The following ST3GAL4 variants were observed in gnomAD, a reference collection of about 807,000 sequenced individuals.
ST3GAL4 encodes CMP-N-acetylneuraminate-beta-galactosamide-alpha-2,3-sialyltransferase 4.
A neutral mutation model predicts 42.6 loss-of-function variants in ST3GAL4; 24 were observed. The ratio of observed to expected loss-of-function variants is 0.56; its 90% CI spans 0.41 to 0.79. The LOEUF (loss-of-function observed/expected upper bound fraction) is 0.79. ST3GAL4 is among the 30% of genes least tolerant of loss of function. The probability of loss-of-function intolerance (pLI) is 0.00; values close to 1 mark genes in which losing one functional copy is unlikely to be tolerated. For missense variants in ST3GAL4, 311 were observed against 430.8 expected, an observed-to-expected ratio of 0.72 and a Z score of 2.46; for synonymous variants, 135 against 163.2, an observed-to-expected ratio of 0.83 and a Z score of 1.32.
rs1239186575 is a variant in ST3GAL4 at position 126,388,679 on chromosome 11, T to TTTTTTTTTTTTTTTTTTTC, written c.-60-17415_-60-17414insTTTTTTTTTTTTTTTTCTT. Among the ~76,000 whole-genome samples, 202 of 122,704 alleles carry TTTTTTTTTTTTTTTTTTTC rather than the reference T, an allele frequency of 1.6e-3. 12 individuals are homozygous for TTTTTTTTTTTTTTTTTTTC. The highest frequency in any genetic ancestry group is 6.0e-3 in the African/African-American group (173 of 29,054). The allele number at this position is 122,704 out of a possible 152,430, so 80.5% of individuals were successfully genotyped here. ...TTTCTTGTTTTTTTTTTTTTTTTTT[T>TTTTTTTTTTTTTTTTTTTC]TTCTGATTTACGTGAGCACATCATA... On this transcript the variant is annotated intron_variant, in intron 1 of 10. Coordinates refer to ENST00000444328, the MANE Select transcript of ST3GAL4 (RefSeq NM_001254757.2).
chr11:126,413,965 C>T lies in ST3GAL4; in HGVS notation c.920C>T (p.Ser307Leu). The change falls in exon 11 of 11, where the codon TCA becomes TTA. Residue 307 changes from serine to leucine, a missense_variant. Ser to Leu is a moderately radical substitution (Grantham distance 145). Coordinates refer to ENST00000444328, the MANE Select transcript of ST3GAL4 (RefSeq NM_001254757.2). ...TTTCCTTGGCTGTCTCCACAGGGGT[C>T]AGGCCATAATGTCTCCCAAGAGGCC... ...EQITLKSMAG[S>L]GHNVSQEALA... is the part of the protein sequence containing the mutation. The T allele has an allele frequency of 6.2e-7, 1 of 1,614,218 alleles. No individual in the cohort carries two copies.
At position 126,388,679 on chromosome 11, in the gene ST3GAL4, T is replaced by TTTTTTTTTTTTTTTTTTTTTC. The variant is rs1239186575; in HGVS notation, c.-60-17415_-60-17414insTTTTTTTTTTTTTTTTTTCTT. On this transcript the variant is annotated intron_variant, in intron 1 of 10. Transcript: ENST00000444328. ...TTTCTTGTTTTTTTTTTTTTTTTTT[T>TTTTTTTTTTTTTTTTTTTTTC]TTCTGATTTACGTGAGCACATCATA... 3.7e-4 allele frequency among the ~76,000 whole-genome samples: 45 copies of TTTTTTTTTTTTTTTTTTTTTC among 122,702 alleles called. 1 individual carries two copies. The highest frequency in any genetic ancestry group is 4.7e-3 in the Middle Eastern group (1 of 214). The allele number at this position is 122,702 out of a possible 152,430, so 80.5% of individuals were successfully genotyped here. A position where few individuals can be genotyped will look rare whatever the true frequency, so the allele number is the denominator to read the frequency against.
In ST3GAL4 at chr11:126,395,929, C is replaced by G. The variant is rs146920454; in HGVS notation, c.-60-10167C>G. Among the ~76,000 whole-genome samples the G allele has an allele frequency of 1.1e-4, 17 of 152,244 alleles. No homozygotes were observed. In the East Asian group the frequency reaches 2.9e-3, roughly 26 times the overall value. On this transcript the variant is annotated intron_variant, in intron 1 of 10. Transcript: ENST00000444328. ...AGGGAGGAGGTGCTGGCCAGTAGAG[C>G]ACATGTGTCTCTGTGCATCAGAGCA...
At position 126,366,442 on chromosome 11, in the gene ST3GAL4, G is replaced by A. The variant is rs141065419; in HGVS notation, c.-61+10600G>A. Among the ~76,000 whole-genome samples, 1 of 152,196 alleles carries A rather than the reference G, an allele frequency of 6.6e-6. No individual in the cohort carries two copies. Among genetic ancestry groups the A allele is most frequent in the East Asian group, 1.9e-4 (1 of 5,164 alleles). On this transcript the variant is annotated intron_variant, in intron 1 of 10. Coordinates refer to ENST00000444328, the MANE Select transcript of ST3GAL4 (RefSeq NM_001254757.2). The surrounding 1 kb of genome is among the most constrained non-coding windows in gnomAD (Gnocchi z 4.2). ...TGTGATCTGGTTCCCGGGTGTCTGA[G>A]TAGGGACCAATGTGTTTGTGCTGGA...
At chr11:126,387,453 G>C (rs898931750) in intron 1 of ST3GAL4, among the ~76,000 whole-genome samples, 1 of 152,072 alleles carries the variant, frequency 6.6e-6, no homozygotes, top group Admixed American at 6.6e-5. Context: ...AGAGGCAGGC[G>C]TGTCAGTTGA....
Position 126,410,375 on chromosome 11 carries a change from G to A in ST3GAL4, c.771+964G>A, listed in dbSNP as rs1332398252. Among the ~76,000 whole-genome samples, 1 of 152,188 alleles carries A rather than the reference G, an allele frequency of 6.6e-6. No homozygotes were observed. The highest frequency in any genetic ancestry group is 1.5e-5 in the Non-Finnish European group (1 of 68,038). ...TCTTGGAGCCCCTCGGGGAGGCCGT[G>A]TGGGATGGTGAGAGACAGGCACTAG... is the stretch of plus-strand genomic sequence containing the variant. On this transcript the variant is annotated intron_variant, in intron 9 of 10. Coordinates refer to ENST00000444328, the MANE Select transcript of ST3GAL4 (RefSeq NM_001254757.2). This position sits in a 1 kb window ranked among gnomAD's most constrained non-coding sequence, Gnocchi z 5.3.
chr11:126,380,921 C>T (rs1952975352), intron 1 of ST3GAL4, among the ~76,000 whole-genome samples: 1 of 152,240 alleles, frequency 6.6e-6, no homozygotes, highest in African/African-American at 2.4e-5. Context: ...GAGCACACAA[C>T]AGCCTTTTGG....
rs908998756 is a variant in ST3GAL4, at chr11:126,398,597, C to G, written c.-60-7499C>G. The stretch of plus-strand genomic sequence containing the variant: ...CACTAGGCTTCCTGGGGACTCTCAG[C>G]AGCTCAGACTCCACAGTTCTGCTGG... On this transcript the variant is annotated intron_variant, in intron 1 of 10. Transcript: ENST00000444328. The surrounding 1 kb of genome is among the most constrained non-coding windows in gnomAD (Gnocchi z 4.7). Among the ~76,000 whole-genome samples, 1 of 152,252 alleles carries G rather than the reference C, an allele frequency of 6.6e-6. No homozygotes were observed. Among genetic ancestry groups the G allele is most frequent in the Non-Finnish European group, 1.5e-5 (1 of 68,038 alleles).
At chr11:126,374,850 T>C (rs1952776108) in intron 1 of ST3GAL4, among the ~76,000 whole-genome samples, 1 of 151,770 alleles carries the variant, frequency 6.6e-6, no homozygotes, top group Non-Finnish European at 1.5e-5. Flanking sequence ...ATTCTAACCC[T>C]GTGGGAGAAC....
rs1330223776 is a variant in ST3GAL4, at chr11:126,391,045, A to G, written c.-60-15051A>G. 6.6e-6 allele frequency among the ~76,000 whole-genome samples: 1 copy of G among 152,204 alleles called. No individual in the cohort carries two copies. The highest frequency in any genetic ancestry group is 1.5e-5 in the Non-Finnish European group (1 of 68,032). On this transcript the variant is annotated intron_variant, in intron 1 of 10. Transcript: ENST00000444328. The surrounding 1 kb of genome is among the most constrained non-coding windows in gnomAD (Gnocchi z 5.5). ...TCTTTTTCAGGCTGAATAATATTCC[A>G]TTGTATGCGTAGACCACATTTTGTG...
intron 1 of ST3GAL4, among the ~76,000 whole-genome samples, chr11:126,372,075 CTGTTG>C (rs1565398066): frequency 6.6e-6 from 1 of 152,152 alleles, no homozygotes; most frequent in African/African-American, 2.4e-5. Context: ...TTCTGTTGAC[CTGTTG>C]ACCGTCTTAA....
rs1440428837 is a variant in ST3GAL4, at chr11:126,400,052, CCTCCCCTGCTTTCCT to C, written c.-60-6036_-60-6022del. ...CTCTCTCTTTTCTTCCTTTCCCTCC[CCTCCCCTGCTTTCCT>C]CTCCCCTCTCCACTTCTTGGCACCA... On this transcript the variant is annotated intron_variant, in intron 1 of 10. Coordinates refer to ENST00000444328, the MANE Select transcript of ST3GAL4 (RefSeq NM_001254757.2). This position sits in a 1 kb window ranked among gnomAD's most constrained non-coding sequence, Gnocchi z 4.6. Among the ~76,000 whole-genome samples the C allele has an allele frequency of 6.6e-6, 1 of 152,024 alleles. No individual in the cohort carries two copies. Among genetic ancestry groups the C allele is most frequent in the Non-Finnish European group, 1.5e-5 (1 of 67,980 alleles).
In ST3GAL4 at chr11:126,384,841, AG is replaced by A. The variant is rs1196785322; in HGVS notation, c.-60-21253del. The A allele has an allele frequency of 4.1e-6, 4 of 985,240 alleles. No individual in the cohort carries two copies. The highest frequency in any genetic ancestry group is 1.2e-4 in the Admixed American group (2 of 16,252). 61.0% of individuals were successfully genotyped at this position (985,240 alleles called of 1,614,324 possible). A position where few individuals can be genotyped will look rare whatever the true frequency, so the allele number is the denominator to read the frequency against. ...GCAGGTCCTTTGTCACATATGGGCC[AG>A]GAGAGGTGAGTGTGATTGTGGTAGT... On this transcript the variant is annotated intron_variant, in intron 1 of 10. Coordinates refer to ENST00000444328, the MANE Select transcript of ST3GAL4 (RefSeq NM_001254757.2). This position sits in a 1 kb window ranked among gnomAD's most constrained non-coding sequence, Gnocchi z 5.5.
At position 126,399,301 on chromosome 11, in the gene ST3GAL4, CTTTTTTTT is replaced by C. The variant is rs58479155; in HGVS notation, c.-60-6781_-60-6774del. On this transcript the variant is annotated intron_variant, in intron 1 of 10. Coordinates refer to ENST00000444328, the MANE Select transcript of ST3GAL4 (RefSeq NM_001254757.2). ...TATAAATTTCTTTCTTTCTTTCCTTCTTTTTTTTTTTTTTTTTTTTTGAGATGGAGTCT... is the reference window on the plus strand; with the variant it reads ...TATAAATTTCTTTCTTTCTTTCCTTCTTTTTTTTTTTTTGAGATGGAGTCT... Among the ~76,000 whole-genome samples the C allele has an allele frequency of 1.6e-4, 14 of 87,736 alleles. No homozygotes were observed. The South Asian group carries it at 1.9e-3, about 12-fold the overall frequency. 57.6% of individuals were successfully genotyped at this position (87,736 alleles called of 152,430 possible).
At position 126,409,676 on chromosome 11, in the gene ST3GAL4, G is replaced by A. The variant is rs1167856516; in HGVS notation, c.771+265G>A. Among the ~76,000 whole-genome samples the A allele has an allele frequency of 6.6e-6, 1 of 152,170 alleles. No individual in the cohort carries two copies. Among genetic ancestry groups the A allele is most frequent in the African/African-American group, 2.4e-5 (1 of 41,432 alleles). On this transcript the variant is annotated intron_variant, in intron 9 of 10. Transcript: ENST00000444328. This position sits in a 1 kb window ranked among gnomAD's most constrained non-coding sequence, Gnocchi z 4.9. Reference sequence around the variant, plus strand: ...TGGTGTGAGAGGATGGTTTTGGCAGGCGCTGGTCAGAATTTGTCAACTGGG... The same window carrying A: ...TGGTGTGAGAGGATGGTTTTGGCAGACGCTGGTCAGAATTTGTCAACTGGG...
chr11:126,389,221 ATC>A (rs1385861177), intron 1 of ST3GAL4, among the ~76,000 whole-genome samples: 2 of 152,118 alleles, frequency 1.3e-5, no homozygotes, highest in African/African-American at 4.8e-5. Context: ...TTTCTTCACT[ATC>A]TCTATTAATA....
chr11:126,407,078 AG>A, intron 4 of ST3GAL4, 55 bp downstream of exon 4: 1 of 1,558,562 alleles, frequency 6.4e-7, no homozygotes. Flanking sequence ...GCTGGGATTG[AG>A]GGTTTCACAG....
At position 126,406,174 on chromosome 11, in the gene ST3GAL4, G is replaced by A. The variant is rs1315300297; in HGVS notation, c.16+3G>A. The A allele has an allele frequency of 6.4e-7, 1 of 1,558,110 alleles. No homozygotes were observed. The highest frequency in any genetic ancestry group is 1.2e-5 in the South Asian group (1 of 84,452). ...GAGAAACATGGTCAGCAAGTCCCGT[G>A]AGTGTCATCCGAGGGCTCCCCCACC... On this transcript the variant is annotated splice_donor_region_variant and intron_variant, in intron 2 of 10. Transcript: ENST00000444328. The surrounding 1 kb of genome is among the most constrained non-coding windows in gnomAD (Gnocchi z 5.4).
intron 1 of ST3GAL4, among the ~76,000 whole-genome samples, chr11:126,382,610 A>G (rs1953050845): frequency 6.6e-6 from 1 of 152,236 alleles, no homozygotes; most frequent in East Asian, 1.9e-4. Flanking sequence ...CTCACAGATG[A>G]TGGAGAAGCC....
Sources: gnomAD v4.1 joint callset for allele counts (sites outside exome capture counted in the v4.1 genomes callset) on GRCh38, gnomAD v4.1.1 for gene constraint, Gnocchi (gnomAD v3.1) non-coding constraint, MANE v1.5 for transcripts, NCBI Gene and HGNC (gene_info 2026-07-23, HGNC 2026-07-21) for gene names.